Variants in CNTN5 observed in about 807,000 individuals in gnomAD.
CNTN5 encodes contactin 5.
Under a neutral mutation model 129.1 loss-of-function variants are expected in CNTN5, and 77 were observed. The observed-to-expected ratio is 0.60, with a 90% CI of 0.50 to 0.72. CNTN5 has a LOEUF of 0.72. CNTN5 is among the 30% of genes least tolerant of loss of function. The pLI is 0.00. For missense variants in CNTN5, 1,478 were observed against 1,328.8 expected (o/e 1.11, Z -1.75); for synonymous variants, 509 against 465.6 (o/e 1.09, Z -1.20).
chr11:99,047,139 G>A (rs1392241886), intron 1 of CNTN5, among the ~76,000 whole-genome samples: 1 of 151,912 alleles, frequency 6.6e-6, no homozygotes, highest in Admixed American at 6.6e-5. Flanking sequence ...CCATTTTTAA[G>A]TGATTAACCA....
chr11:99,047,193 AT>A lies in CNTN5; in HGVS notation c.-210+25926del, dbSNP rs1395816756. On this transcript the variant is annotated intron_variant, in intron 1 of 24. Transcript: ENST00000524871. Reference sequence around the variant, plus strand: ...TAAATATCAAAATGTTTTTCAGTATATTTGAAACCAAAAAGTAACAAAATCA... The same window carrying A: ...TAAATATCAAAATGTTTTTCAGTATATTGAAACCAAAAAGTAACAAAATCA... Among the ~76,000 whole-genome samples the A allele has an allele frequency of 3.9e-5, 6 of 151,932 alleles. No homozygotes were observed. The East Asian group carries it at 1.2e-3, about 29-fold the overall frequency.
Position 100,088,371 on chromosome 11 carries a change from A to AAGAT in CNTN5, c.1580+14079_1580+14082dup, listed in dbSNP as rs1249840165. On this transcript the variant is annotated intron_variant, in intron 13 of 24. Transcript: ENST00000524871. ...ACTAAACCCAAAGCTAGCAGAAGAA[A>AAGAT]AGATATAACTAAAATTAGAGCAGAG... Among the ~76,000 whole-genome samples the AAGAT allele has an allele frequency of 3.9e-5, 6 of 152,220 alleles. 1 individual carries two copies. In the South Asian group the frequency reaches 1.2e-3, roughly 32 times the overall value.
rs144899854 is a variant in CNTN5 at position 100,146,735 on chromosome 11, T to C, written c.1581-44391T>C. Reference sequence around the variant, plus strand: ...CATTTTATACACAAGATAAATTCATTTTTTCCTAATAATTTTTACCTTTAA... The same window carrying C: ...CATTTTATACACAAGATAAATTCATCTTTTCCTAATAATTTTTACCTTTAA... On this transcript the variant is annotated intron_variant, in intron 13 of 24. Coordinates refer to ENST00000524871, the MANE Select transcript of CNTN5 (RefSeq NM_014361.4). 5.3e-4 allele frequency among the ~76,000 whole-genome samples: 80 copies of C among 152,246 alleles called. No individual in the cohort carries two copies. The East Asian group carries it at 0.015, about 29-fold the overall frequency.
chr11:99,568,411 T>A (rs557823841), intron 3 of CNTN5, among the ~76,000 whole-genome samples: 1 of 152,380 alleles, frequency 6.6e-6, no homozygotes, highest in African/African-American at 2.4e-5. Flanking sequence ...TGTACCACTA[T>A]AATACTGCTG....
At chr11:100,349,645 A>T (rs543069751) in intron 23 of CNTN5, among the ~76,000 whole-genome samples, 1 of 151,908 alleles carries the variant, frequency 6.6e-6, no homozygotes, top group South Asian at 2.1e-4. Flanking sequence ...TCATATCCAG[A>T]TCTGTATGAA....
intron 3 of CNTN5, among the ~76,000 whole-genome samples, chr11:99,614,070 T>C (rs147126775): frequency 1.1e-4 from 16 of 152,344 alleles, no homozygotes; most frequent in African/African-American, 3.4e-4. Context: ...GTGTTTGAAA[T>C]ATTCATTTTC....
chr11:100,037,613 T>C (rs888342988), intron 9 of CNTN5, among the ~76,000 whole-genome samples: 8 of 152,194 alleles, frequency 5.3e-5, no homozygotes, highest in African/African-American at 1.7e-4. Flanking sequence ...TCTTTTTGCT[T>C]GGTAAACTAT....
chr11:99,444,295 C>T (rs2135161800), intron 2 of CNTN5, among the ~76,000 whole-genome samples: 1 of 152,098 alleles, frequency 6.6e-6, no homozygotes, highest in African/African-American at 2.4e-5. Flanking sequence ...CATATTAAGT[C>T]AGAGGTTATT....
intron 2 of CNTN5, among the ~76,000 whole-genome samples, chr11:99,528,838 T>G (rs1364687165): frequency 2.0e-5 from 3 of 150,710 alleles, no homozygotes; most frequent in Admixed American, 6.6e-5. Context: ...CCAAGGCGGG[T>G]GGATCACCTG....
intron 1 of CNTN5, among the ~76,000 whole-genome samples, chr11:99,126,548 CT>C (rs1164693351): frequency 6.6e-6 from 1 of 152,138 alleles, no homozygotes; most frequent in Non-Finnish European, 1.5e-5. Context: ...CAAGCAGTGA[CT>C]GCTGAATGTC....
intron 1 of CNTN5, among the ~76,000 whole-genome samples, chr11:99,067,632 G>A (rs1363530962): frequency 6.6e-6 from 1 of 152,034 alleles, no homozygotes; most frequent in East Asian, 1.9e-4. Flanking sequence ...AAATTAAAAA[G>A]CTTTAGAATT....
intron 6 of CNTN5, among the ~76,000 whole-genome samples, chr11:99,868,014 A>G (rs1948400530): frequency 6.6e-6 from 1 of 152,170 alleles, no homozygotes. Flanking sequence ...CAGGAGTTCG[A>G]GACCAGCCTG....
chr11:100,070,228 A>G (rs762330978), intron 10 of CNTN5, among the ~76,000 whole-genome samples, 196 bp from the exon 11 acceptor site: 1 of 152,088 alleles, frequency 6.6e-6, no homozygotes, highest in Non-Finnish European at 1.5e-5. Flanking sequence ...ATATTATCAA[A>G]ATATCTTCAC....
At chr11:99,596,684 T>G (rs546627610) in intron 3 of CNTN5, among the ~76,000 whole-genome samples, 5 of 152,286 alleles carry the variant, frequency 3.3e-5, no homozygotes, top group African/African-American at 7.2e-5. Context: ...TTGTTCCGAT[T>G]GAATTATTTG....
chr11:99,374,493 C>G (rs1261144993), intron 2 of CNTN5, among the ~76,000 whole-genome samples: 1 of 152,022 alleles, frequency 6.6e-6, no homozygotes, highest in Non-Finnish European at 1.5e-5. Context: ...ACCATCCTGG[C>G]TAACACGGTA....
chr11:99,401,028 G>A (rs7929858), intron 2 of CNTN5, among the ~76,000 whole-genome samples: 132,287 of 152,090 alleles, frequency 0.87, 57,635 homozygotes, highest in East Asian at 1. Context: ...CAACCTGTGG[G>A]TTGTCTGTTT....
intron 1 of CNTN5, among the ~76,000 whole-genome samples, chr11:99,112,646 A>G (rs1415852087): frequency 3.3e-5 from 5 of 152,014 alleles, no homozygotes; most frequent in Admixed American, 2.0e-4. Context: ...GAGATAGTTA[A>G]CCAAATTACA....
intron 3 of CNTN5, among the ~76,000 whole-genome samples, chr11:99,570,091 G>A (rs142572567): frequency 8.2e-4 from 124 of 150,812 alleles, no homozygotes; most frequent in African/African-American, 2.8e-3. Context: ...ACATCACTGA[G>A]GCCTGCAAGA....
At chr11:99,714,306 C>A (rs1177156821) in intron 3 of CNTN5, among the ~76,000 whole-genome samples, 2 of 151,786 alleles carry the variant, frequency 1.3e-5, no homozygotes, top group African/African-American at 4.8e-5. Flanking sequence ...GCATATACAT[C>A]CCAGAAAAAA....
Sources: gnomAD v4.1 joint callset for allele counts (sites outside exome capture counted in the v4.1 genomes callset) on GRCh38, gnomAD v4.1.1 for gene constraint, MANE v1.5 for transcripts, NCBI Gene and HGNC (gene_info 2026-07-23, HGNC 2026-07-21) for gene names.